The following PCDHA6 variants were observed in gnomAD, a reference collection of about 807,000 sequenced individuals.
PCDHA6 encodes protocadherin alpha 6.
A neutral mutation model predicts 60.3 loss-of-function variants in PCDHA6; 55 were observed. That is an observed-to-expected ratio of 0.91 (90% CI 0.73 to 1.14). The LOEUF (loss-of-function observed/expected upper bound fraction) is 1.14, where lower values mean the gene tolerates loss of function less well. Ranked by LOEUF, PCDHA6 falls within the 50% of genes most tolerant of loss-of-function variation. The pLI is 0.00. For synonymous variants in PCDHA6, 652 were observed against 557.9 expected (o/e 1.17, Z -2.38); for missense variants, 1,327 against 1,256.5 (o/e 1.06, Z -0.85).
chr5:140,834,759 A>G (rs2150225728), intron 1 of PCDHA6: 8 of 1,614,036 alleles, frequency 5.0e-6, no homozygotes, highest in Non-Finnish European at 6.8e-6. Flanking sequence ...GGTGAAGGAC[A>G]TTAACGACAA....
intron 1 of PCDHA6, among the ~76,000 whole-genome samples, chr5:140,908,393 A>G (rs1295544122): frequency 2.0e-5 from 3 of 152,132 alleles, no homozygotes; most frequent in Non-Finnish European, 4.4e-5. Context: ...CCGATCACAT[A>G]TATACCACTT....
chr5:140,850,570 C>T (rs2041682999), intron 1 of PCDHA6: 2 of 1,598,372 alleles, frequency 1.3e-6, no homozygotes, highest in Non-Finnish European at 8.6e-7. Context: ...CCCGAGGTGA[C>T]GCTGGTGGAT....
At chr5:140,885,189 C>T (rs1554182051) in intron 1 of PCDHA6, among the ~76,000 whole-genome samples, 1 of 151,992 alleles carries the variant, frequency 6.6e-6, no homozygotes, top group Non-Finnish European at 1.5e-5. Context: ...CATCAGTGTT[C>T]CCCTCTCATA....
chr5:140,993,508 ACG>A (rs2097567607), intron 3 of PCDHA6, among the ~76,000 whole-genome samples: 1 of 147,006 alleles, frequency 6.8e-6, no homozygotes, highest in Non-Finnish European at 1.5e-5. Context: ...ACACACACAC[ACG>A]GGGAGAGAGA....
At chr5:140,849,952 A>G (rs1413987636) in intron 1 of PCDHA6, 1 of 1,597,826 alleles carries the variant, frequency 6.3e-7, no homozygotes, top group Non-Finnish European at 8.6e-7. Context: ...GACGCGCAGG[A>G]GAACGCCCTG....
At chr5:140,904,314 T>C (rs1554191432) in intron 1 of PCDHA6, among the ~76,000 whole-genome samples, 1 of 152,080 alleles carries the variant, frequency 6.6e-6, no homozygotes, top group Admixed American at 6.6e-5. Flanking sequence ...TTTCTTCACT[T>C]AGAATAATGG....
At chr5:140,971,952 C>T (rs782029862) in intron 1 of PCDHA6, among the ~76,000 whole-genome samples, 3 of 152,012 alleles carry the variant, frequency 2.0e-5, no homozygotes, top group Non-Finnish European at 4.4e-5. Context: ...CATCTGACTC[C>T]AAAAACTTTT....
intron 1 of PCDHA6, chr5:140,868,870 C>T: frequency 1.6e-6 from 1 of 619,808 alleles, no homozygotes; most frequent in Admixed American, 3.3e-5. Flanking sequence ...ATGCAGTGCA[C>T]AGTACTCACA....
chr5:140,967,121 C>T, intron 1 of PCDHA6: 1 of 1,612,916 alleles, frequency 6.2e-7, no homozygotes, highest in East Asian at 2.2e-5. Flanking sequence ...TCGCTGCCTG[C>T]TCAGCTTGGA....
chr5:140,926,723 C>G (rs1224901751), intron 1 of PCDHA6: 1 of 1,034,598 alleles, frequency 9.7e-7, no homozygotes, highest in Non-Finnish European at 1.3e-6. Flanking sequence ...CCGGCAATGC[C>G]GGCGTTCGGG....
chr5:140,977,163 AATG>A (rs1554238313), intron 1 of PCDHA6, among the ~76,000 whole-genome samples: 2 of 152,198 alleles, frequency 1.3e-5, no homozygotes, highest in Non-Finnish European at 2.9e-5. Flanking sequence ...CTTTCAGCAA[AATG>A]AGTTTGATGA....
At chr5:140,853,149 G>T in intron 1 of PCDHA6, 1 of 844,586 alleles carries the variant, frequency 1.2e-6, no homozygotes, top group Non-Finnish European at 1.5e-6. Flanking sequence ...AAAATGCTGG[G>T]ATTACAGGCG....
In PCDHA6 at chr5:140,829,487, G is replaced by A. The variant is rs2150168729; in HGVS notation, c.1396G>A (p.Glu466Lys). The A allele has an allele frequency of 6.2e-7, 1 of 1,613,742 alleles. No individual in the cohort carries two copies. The highest frequency in any genetic ancestry group is 2.2e-5 in the East Asian group (1 of 44,886). Reference protein sequence around the residue: ...AQPEYTVFVKENNPPGCHIFT... With the variant: ...AQPEYTVFVKKNNPPGCHIFT... ...GCCCGAGTACACAGTGTTCGTGAAG[G>A]AGAACAACCCGCCGGGCTGCCACAT... Residue 466 changes from glutamate to lysine, a missense_variant, in exon 1 of 4, where the codon GAG (glutamate) becomes AAG (lysine). Transcript: ENST00000529310.
At chr5:141,009,494 A>T in intron 3 of PCDHA6, 133 bp from the exon 4 acceptor site, 1 of 1,488,918 alleles carries the variant, frequency 6.7e-7, no homozygotes, top group South Asian at 1.4e-5. Flanking sequence ...TTGCCCTCAG[A>T]CTTGAACAAA....
At position 140,969,614 on chromosome 5, in the gene PCDHA6, T is replaced by G. The variant is rs56144348; in HGVS notation, c.2395-9335T>G. The G allele has an allele frequency of 1.3e-3, 977 of 725,126 alleles. 8 individuals are homozygous for G. In the African/African-American group the frequency reaches 0.016, roughly 12 times the overall value. 44.9% of individuals were successfully genotyped at this position (725,126 alleles called of 1,614,324 possible). A position where few individuals can be genotyped will look rare whatever the true frequency, so the allele number is the denominator to read the frequency against. ...AATATTTAATGCTAAAACACAGATT[T>G]GTAGAGAAACAGGACAGGCCTTGGA... On this transcript the variant is annotated intron_variant, in intron 1 of 3. Transcript: ENST00000529310.
At chr5:141,001,811 C>T (rs1200900455) in intron 3 of PCDHA6, among the ~76,000 whole-genome samples, 1 of 152,128 alleles carries the variant, frequency 6.6e-6, no homozygotes, top group Non-Finnish European at 1.5e-5. Flanking sequence ...ATTCTACAAT[C>T]GGCCAAATTC....
chr5:140,869,199 C>T, intron 1 of PCDHA6: 1 of 1,614,024 alleles, frequency 6.2e-7, no homozygotes, highest in Non-Finnish European at 8.5e-7. Context: ...GCCAGCTCCA[C>T]TACTCCGTCT....
intron 1 of PCDHA6, chr5:140,857,477 T>A (rs1562523780): frequency 1.3e-6 from 2 of 1,598,544 alleles, no homozygotes; most frequent in Admixed American, 1.7e-5. Context: ...CTTCACGGTG[T>A]CTGCGTGGGA....
At chr5:140,837,391 T>A (rs1444543611) in intron 1 of PCDHA6, among the ~76,000 whole-genome samples, 1 of 152,024 alleles carries the variant, frequency 6.6e-6, no homozygotes, top group East Asian at 1.9e-4. Context: ...GTTCCTTGTT[T>A]GTATAAGAAA....
Sources: gnomAD v4.1 joint callset for allele counts (sites outside exome capture counted in the v4.1 genomes callset) on GRCh38, gnomAD v4.1.1 for gene constraint, MANE v1.5 for transcripts, NCBI Gene and HGNC (gene_info 2026-07-23, HGNC 2026-07-21) for gene names.